The following ULK4 variants were observed in gnomAD, a reference collection of about 807,000 sequenced individuals.
The protein encoded by ULK4 is unc-51 like kinase 4.
Under a neutral mutation model 160.6 loss-of-function variants are expected in ULK4, and 133 were observed. The observed-to-expected ratio is 0.83, with a 90% confidence interval of 0.72 to 0.96. The LOEUF (loss-of-function observed/expected upper bound fraction) is 0.96. Ranked by LOEUF, ULK4 falls within the 40% of genes least tolerant of loss-of-function variation. ULK4 has a pLI of 0.00. For missense variants in ULK4, 1,580 were observed against 1,499.5 expected (o/e 1.05, Z -0.89); for synonymous variants, 534 against 539.8 (o/e 0.99, Z 0.15).
intron 32 of ULK4, among the ~76,000 whole-genome samples, chr3:41,482,511 A>C (rs1336299575): frequency 6.6e-6 from 1 of 152,160 alleles, no homozygotes; most frequent in East Asian, 1.9e-4. Context: ...GGGACATAAA[A>C]ATAGTTCTTG....
chr3:41,281,494 A>G (rs1245232402), intron 35 of ULK4, among the ~76,000 whole-genome samples: 1 of 152,212 alleles, frequency 6.6e-6, no homozygotes, highest in East Asian at 1.9e-4. Flanking sequence ...GGCTGGCTCA[A>G]TATATGCAAA....
intron 33 of ULK4, among the ~76,000 whole-genome samples, chr3:41,462,000 T>C (rs114719283): frequency 1.7e-3 from 255 of 152,338 alleles, no homozygotes; most frequent in African/African-American, 5.7e-3. Flanking sequence ...GGAATTATTA[T>C]AAATGAGCTA....
intron 27 of ULK4, among the ~76,000 whole-genome samples, chr3:41,691,261 G>C (rs2036288849): frequency 6.6e-6 from 1 of 151,760 alleles, no homozygotes; most frequent in African/African-American, 2.4e-5. Flanking sequence ...CTGCACATAC[G>C]AACAACCCAC....
chr3:41,536,486 C>A (rs142580416), intron 32 of ULK4, among the ~76,000 whole-genome samples: 1 of 152,220 alleles, frequency 6.6e-6, no homozygotes, highest in African/African-American at 2.4e-5. Context: ...ACTTTTGACT[C>A]CCCCAAAACT....
intron 30 of ULK4, among the ~76,000 whole-genome samples, chr3:41,617,322 T>A (rs2125685182): frequency 6.6e-6 from 1 of 152,360 alleles, no homozygotes; most frequent in East Asian, 1.9e-4. Context: ...GCCTCCTGAC[T>A]GGGAGAAACC....
intron 19 of ULK4, among the ~76,000 whole-genome samples, chr3:41,817,440 CA>C (rs2041007972): frequency 6.6e-6 from 1 of 152,078 alleles, no homozygotes; most frequent in South Asian, 2.1e-4. Flanking sequence ...ACTATGCAGC[CA>C]TAAAAAATTA....
chr3:41,730,888 C>A (rs1467172624), intron 22 of ULK4, among the ~76,000 whole-genome samples: 1 of 152,142 alleles, frequency 6.6e-6, no homozygotes, highest in East Asian at 1.9e-4. Flanking sequence ...ATATGCAAAT[C>A]AATAAATGTG....
intron 32 of ULK4, among the ~76,000 whole-genome samples, chr3:41,499,399 A>T (rs995541244): frequency 6.6e-6 from 1 of 152,210 alleles, no homozygotes; most frequent in Non-Finnish European, 1.5e-5. Flanking sequence ...AATATTTGCA[A>T]AACCTCCAAA....
chr3:41,537,520 G>A (rs2086544800), intron 32 of ULK4, among the ~76,000 whole-genome samples: 1 of 152,146 alleles, frequency 6.6e-6, no homozygotes, highest in Non-Finnish European at 1.5e-5. Flanking sequence ...ATGATCTAGA[G>A]GCTGAATTAC....
intron 22 of ULK4, among the ~76,000 whole-genome samples, chr3:41,730,269 T>C (rs77825226): frequency 0.029 from 4,363 of 151,994 alleles, 206 homozygotes; most frequent in African/African-American, 0.1. Flanking sequence ...CCAACATTAG[T>C]AGAAGGAAAG....
intron 35 of ULK4, among the ~76,000 whole-genome samples, chr3:41,283,157 G>T (rs11710719): frequency 1.6e-4 from 24 of 152,050 alleles, no homozygotes; most frequent in Non-Finnish European, 2.8e-4. Flanking sequence ...AACAGATGCT[G>T]GAAAGGATGT....
chr3:41,545,220 G>A (rs569316710), intron 32 of ULK4, among the ~76,000 whole-genome samples: 45 of 152,158 alleles, frequency 3.0e-4, no homozygotes, highest in Middle Eastern at 3.4e-3. Flanking sequence ...CCACATTCGC[G>A]TTCTCTCTTG....
chr3:41,632,438 C>G (rs2033789153), intron 30 of ULK4, among the ~76,000 whole-genome samples: 1 of 152,120 alleles, frequency 6.6e-6, no homozygotes, highest in Admixed American at 6.5e-5. Context: ...TGAAATCAAG[C>G]TAAGATTTCT....
intron 30 of ULK4, among the ~76,000 whole-genome samples, chr3:41,662,565 G>A (rs1376842443): frequency 6.6e-6 from 1 of 152,056 alleles, no homozygotes; most frequent in Admixed American, 6.6e-5. Context: ...TCATAATAAT[G>A]CAATACTTTC....
At chr3:41,798,959 A>C (rs1380581204) in intron 20 of ULK4, among the ~76,000 whole-genome samples, 3 of 152,178 alleles carry the variant, frequency 2.0e-5, no homozygotes, top group Non-Finnish European at 2.9e-5. Context: ...GAAGGAAAGA[A>C]TTGAGAGAGG....
At chr3:41,707,511 T>C (rs534877692) in intron 25 of ULK4, among the ~76,000 whole-genome samples, 125 of 152,244 alleles carry the variant, frequency 8.2e-4, no homozygotes, top group African/African-American at 3.0e-3. Flanking sequence ...CTCAACTCAA[T>C]AGTAAGAAGG....
At chr3:41,617,966 T>A (rs2033058654) in intron 30 of ULK4, among the ~76,000 whole-genome samples, 1 of 151,946 alleles carries the variant, frequency 6.6e-6, no homozygotes, top group Non-Finnish European at 1.5e-5. Flanking sequence ...CACGAGAACT[T>A]TGAGAAGCAT....
chr3:41,900,803 C>T lies in ULK4; in HGVS notation c.1209G>A (p.Gln403=). ...GCTCTCTCATCTGGGATTCCAGGTC[C>T]TGCTGACTCAGGTGTCCACTTGTAA... ...TKITSGHLSQ[Q]DLESQMRELI... Residue 403 remains glutamine, a synonymous_variant, in exon 13 of 37, where the codon CAG becomes CAA. Transcript: ENST00000301831. The T allele has an allele frequency of 6.2e-7, 1 of 1,613,628 alleles. No individual in the cohort carries two copies. The highest frequency in any genetic ancestry group is 8.5e-7 in the Non-Finnish European group (1 of 1,179,684).
intron 25 of ULK4, among the ~76,000 whole-genome samples, chr3:41,712,916 A>C (rs1215709748): frequency 6.6e-6 from 1 of 151,798 alleles, no homozygotes; most frequent in Non-Finnish European, 1.5e-5. Context: ...GCAAAAAAAC[A>C]AGCAAAAAAA....
Sources: allele counts gnomAD v4.1 joint callset (sites outside exome capture counted in the v4.1 genomes callset), GRCh38; gene constraint gnomAD v4.1.1; transcripts MANE v1.5; gene names NCBI Gene and HGNC (gene_info 2026-07-23, HGNC 2026-07-21).